CACNA1D: variants seen among roughly 807,000 people sequenced by gnomAD.
CACNA1D encodes calcium voltage-gated channel subunit alpha1 D, also known as voltage-dependent L-type calcium channel subunit alpha-1D.
A neutral mutation model predicts 257.1 loss-of-function variants in CACNA1D; 55 were observed. That is an observed-to-expected ratio of 0.21 (90% CI 0.17 to 0.27). The LOEUF (loss-of-function observed/expected upper bound fraction) is 0.27, where lower values mean the gene tolerates loss of function less well. Among genes scored for constraint, CACNA1D ranks in the 10% least tolerant of loss-of-function variants. The probability of loss-of-function intolerance (pLI) is 1.00; values close to 1 mark genes in which losing one functional copy is unlikely to be tolerated. For synonymous variants in CACNA1D, 980 were observed against 1,014.9 expected, an observed-to-expected ratio of 0.97 and a Z score of 0.65; for missense variants, 1,876 against 2,784.0, an observed-to-expected ratio of 0.67 and a Z score of 7.34.
At chr3:53,506,124 C>A (rs1421351780) in intron 3 of CACNA1D, among the ~76,000 whole-genome samples, 2 of 152,172 alleles carry the variant, frequency 1.3e-5, no homozygotes, top group Non-Finnish European at 2.9e-5. Flanking sequence ...ATCATCAAGA[C>A]TGTGTCTTTG....
chr3:53,725,112 C>T (rs756241057), intron 14 of CACNA1D, among the ~76,000 whole-genome samples: 1 of 151,890 alleles, frequency 6.6e-6, no homozygotes, highest in Non-Finnish European at 1.5e-5. Flanking sequence ...AAGCAACCAC[C>T]ATTAAACAGT....
intron 3 of CACNA1D, among the ~76,000 whole-genome samples, chr3:53,649,750 T>C (rs72978521): frequency 0.02 from 3,052 of 152,368 alleles, 103 homozygotes; most frequent in African/African-American, 0.069. Context: ...TATAGGACTC[T>C]ATAGTTCATA....
chr3:53,636,258 C>G (rs2093882358), intron 3 of CACNA1D, among the ~76,000 whole-genome samples: 1 of 152,000 alleles, frequency 6.6e-6, no homozygotes, highest in South Asian at 2.1e-4. Context: ...CATTGTAACT[C>G]TCAAGCACAC....
chr3:53,709,344 C>T (rs2094725198), intron 9 of CACNA1D, among the ~76,000 whole-genome samples: 1 of 152,172 alleles, frequency 6.6e-6, no homozygotes, highest in South Asian at 2.1e-4. Context: ...CTTCCCAAGG[C>T]CATGTGACTT....
At chr3:53,518,778 G>A (rs1469054326) in intron 3 of CACNA1D, among the ~76,000 whole-genome samples, 1 of 152,246 alleles carries the variant, frequency 6.6e-6, no homozygotes, top group South Asian at 2.1e-4. Flanking sequence ...TGAGAATCTT[G>A]AGTGCAATGT....
rs111792297 is a variant in CACNA1D at position 53,718,171 on chromosome 3, C to T, written c.1391-130C>T. 974 of 782,566 alleles carry T rather than the reference C, an allele frequency of 1.2e-3. 5 individuals are homozygous for T. In the African/African-American group the frequency reaches 0.015, roughly 12 times the overall value. 48.5% of individuals were successfully genotyped at this position (782,566 alleles called of 1,614,324 possible). ...TGGCACTCCCTTAGCCCAGCTGAGG[C>T]CCTGAGGGCCCTTTTCACCCTCCTC... On this transcript the variant is annotated intron_variant, in intron 9 of 47. Coordinates refer to ENST00000350061, the MANE Select transcript of CACNA1D (RefSeq NM_001128840.3).
At chr3:53,728,222 T>A (rs2094954978) in intron 15 of CACNA1D, among the ~76,000 whole-genome samples, 1 of 152,200 alleles carries the variant, frequency 6.6e-6, no homozygotes, top group Non-Finnish European at 1.5e-5. Context: ...CACTGCAACC[T>A]CCGCCTCCTG....
At chr3:53,704,165 G>A (rs962160458) in intron 9 of CACNA1D, among the ~76,000 whole-genome samples, 1 of 152,168 alleles carries the variant, frequency 6.6e-6, no homozygotes, top group Non-Finnish European at 1.5e-5. Context: ...TCTGGAGGTT[G>A]TGGAGTGTGT....
At chr3:53,671,628 G>A (rs948298552) in intron 7 of CACNA1D, among the ~76,000 whole-genome samples, 1 of 152,214 alleles carries the variant, frequency 6.6e-6, no homozygotes, top group Non-Finnish European at 1.5e-5. Flanking sequence ...AAGATGTGCA[G>A]ACTGATATGA....
chr3:53,645,333 A>G (rs142364983), intron 3 of CACNA1D, among the ~76,000 whole-genome samples: 1 of 152,068 alleles, frequency 6.6e-6, no homozygotes, highest in African/African-American at 2.4e-5. Flanking sequence ...GCCATCCCAT[A>G]TGTTTATTTT....
At chr3:53,701,230 C>T (rs1340808123) in intron 8 of CACNA1D, among the ~76,000 whole-genome samples, 1 of 152,146 alleles carries the variant, frequency 6.6e-6, no homozygotes, top group East Asian at 1.9e-4. Context: ...CAACCTCTGC[C>T]TCCCAGGTTC....
intron 9 of CACNA1D, among the ~76,000 whole-genome samples, chr3:53,707,014 CAA>C (rs1173889711): frequency 6.6e-6 from 1 of 152,058 alleles, no homozygotes; most frequent in Non-Finnish European, 1.5e-5. Context: ...TGATGGAAAA[CAA>C]ATCTGTTAAC....
chr3:53,805,173 G>A (rs1338514963), intron 45 of CACNA1D, 27 bp downstream of exon 45: 17 of 1,607,488 alleles, frequency 1.1e-5, no homozygotes, highest in Non-Finnish European at 1.4e-5. Context: ...TGTTTTGGGT[G>A]GAACCTCCCG....
intron 3 of CACNA1D, among the ~76,000 whole-genome samples, chr3:53,524,886 A>G (rs1053346572): frequency 3.3e-5 from 5 of 152,176 alleles, no homozygotes; most frequent in African/African-American, 4.8e-5. Context: ...TGGATTTTCA[A>G]ATCTTCTGAG....
intron 20 of CACNA1D, among the ~76,000 whole-genome samples, chr3:53,740,062 G>C (rs1433617933): frequency 6.6e-6 from 1 of 152,228 alleles, no homozygotes. Context: ...GCAAGTCGGT[G>C]AGTGGTTAAA....
rs762188952 is a variant in CACNA1D at position 53,735,453 on chromosome 3, G to A, written c.2701G>A (p.Ala901Thr). 4.3e-6 allele frequency: 7 copies of A among 1,614,102 alleles called. No homozygotes were observed. Among genetic ancestry groups the A allele is most frequent in the South Asian group, 2.2e-5 (2 of 91,086 alleles). The change falls in exon 20 of 48, where the codon GCT becomes ACT. Residue 901 changes from alanine to threonine, a missense_variant. This residue lies in a region of CACNA1D where 271 missense variants were observed against 425.5 expected (regional missense o/e 0.64). Coordinates refer to ENST00000350061, the MANE Select transcript of CACNA1D (RefSeq NM_001128840.3). ...CCTTGTCTTCATCATGCTGAGCAGC[G>A]CTGCCCTGGCCGCAGAGGACCCCAT... is the stretch of plus-strand genomic sequence containing the variant. ...LILVFIMLSSAALAAEDPIRS... is the reference protein window; with the variant it reads ...LILVFIMLSSTALAAEDPIRS...
chr3:53,540,526 C>A (rs1418592645), intron 3 of CACNA1D, among the ~76,000 whole-genome samples: 5 of 151,738 alleles, frequency 3.3e-5, no homozygotes, highest in African/African-American at 9.7e-5. Flanking sequence ...TTATTATATA[C>A]TATTTAGTAT....
intron 3 of CACNA1D, among the ~76,000 whole-genome samples, chr3:53,624,934 A>C (rs777079499): frequency 2.0e-4 from 31 of 152,184 alleles, no homozygotes; most frequent in Non-Finnish European, 3.7e-4. Context: ...ATAGGGATGT[A>C]AGAAGGCTGA....
intron 40 of CACNA1D, among the ~76,000 whole-genome samples, chr3:53,797,536 TGGCAACTTG>T: frequency 6.6e-6 from 1 of 152,368 alleles, no homozygotes; most frequent in Middle Eastern, 3.4e-3. Flanking sequence ...TCTTTGGAAG[TGGCAACTTG>T]GGCCACCTTT....
Sources: gnomAD v4.1 joint callset for allele counts (sites outside exome capture counted in the v4.1 genomes callset) on GRCh38, gnomAD v4.1.1 for gene constraint, gnomAD v4.1.1 regional missense constraint, MANE v1.5 for transcripts, NCBI Gene and HGNC (gene_info 2026-07-23, HGNC 2026-07-21) for gene names.